ETFRF1: variants seen among roughly 807,000 people sequenced by gnomAD.
ETFRF1 encodes electron transfer flavoprotein regulatory factor 1.
A neutral mutation model predicts 9.0 loss-of-function variants in ETFRF1; 12 were observed. The ratio of observed to expected loss-of-function variants is 1.34; its 90% CI spans 0.86 to 2.16. The LOEUF (loss-of-function observed/expected upper bound fraction) is 2.16. Ranked by LOEUF, ETFRF1 falls within the 30% of genes most tolerant of loss-of-function variation. The probability of loss-of-function intolerance (pLI) is 0.00; values close to 1 mark genes in which losing one functional copy is unlikely to be tolerated. For synonymous variants in ETFRF1, 34 were observed against 33.2 expected, an observed-to-expected ratio of 1.02 and a Z score of -0.08; for missense variants, 98 against 101.8, an observed-to-expected ratio of 0.96 and a Z score of 0.16.
chr12:25,201,769 T>C (rs1222952777), intron 1 of ETFRF1, among the ~76,000 whole-genome samples: 1 of 152,130 alleles, frequency 6.6e-6, no homozygotes, highest in East Asian at 1.9e-4. Flanking sequence ...ATCTACACTA[T>C]TGTACTTCGG....
At position 25,204,119 on chromosome 12, in the gene ETFRF1, A is replaced by C. The variant is rs1951103079; in HGVS notation, c.80A>C (p.Lys27Thr). ...NLLYLGRDYPKGADYFKKRLK... is the reference protein window; with the variant it reads ...NLLYLGRDYPTGADYFKKRLK... ...CTGTATCTTGGACGAGACTATCCAA[A>C]AGGAGCAGACTATTTTAAAAAGCGT... The change falls in exon 3 of 3, where the codon AAA becomes ACA. Residue 27 changes from lysine to threonine, a missense_variant. Transcript: ENST00000381356. 6.3e-7 allele frequency: 1 copy of C among 1,598,600 alleles called. No individual in the cohort carries two copies. The highest frequency in any genetic ancestry group is 1.3e-5 in the African/African-American group (1 of 74,814).
At chr12:25,198,871 G>A (rs1346420935) in intron 1 of ETFRF1, among the ~76,000 whole-genome samples, 1 of 152,108 alleles carries the variant, frequency 6.6e-6, no homozygotes, top group African/African-American at 2.4e-5. Flanking sequence ...TGATTCAAGT[G>A]TATATTCCAG....
chr12:25,203,892 A>T, intron 1 of ETFRF1, 28 bp from the exon 2 acceptor site: 1 of 1,291,066 alleles, frequency 7.7e-7, no homozygotes, highest in Non-Finnish European at 1.0e-6. Context: ...CAATGCAGCT[A>T]ATTGCAAAAA....
intron 1 of ETFRF1, 92 bp downstream of exon 1, chr12:25,195,429 G>A (rs993736697): frequency 8.1e-6 from 4 of 492,914 alleles, no homozygotes; most frequent in South Asian, 4.3e-5. Flanking sequence ...ACCACCGGGT[G>A]TGGGAAGAGG....
chr12:25,204,299 A>G lies in ETFRF1; in HGVS notation c.260A>G (p.Asn87Ser), dbSNP rs1420104426. ...AMKQRYYSDTNKTN is the reference protein window; with the variant it reads ...AMKQRYYSDTSKTN ...AAACAACGCTATTATTCAGATACCA[A>G]CAAAACTAATTGATCATTACTACTT... The change falls in exon 3 of 3, where the codon AAC becomes AGC. Residue 87 changes from asparagine (N) to serine (S), a missense_variant. Transcript: ENST00000381356. The G allele has an allele frequency of 3.8e-6, 6 of 1,574,066 alleles. No homozygotes were observed. The highest frequency in any genetic ancestry group is 5.1e-6 in the Non-Finnish European group (6 of 1,166,126).
chr12:25,204,571 AAT>A lies in ETFRF1; in HGVS notation c.*261_*262del, dbSNP rs1951111302. 1 of 295,598 alleles carries A rather than the reference AAT, an allele frequency of 3.4e-6. No homozygotes were observed. The highest frequency in any genetic ancestry group is 6.2e-6 in the Non-Finnish European group (1 of 161,840). The allele number at this position is 295,598 out of a possible 1,614,324, so 18.3% of individuals were successfully genotyped here. A position where few individuals can be genotyped will look rare whatever the true frequency, so the allele number is the denominator to read the frequency against. ...AGCACCCAATTTTGAATGAAAATAT[AAT>A]ACACTTAATCCTCTAACTTAATAGG... On this transcript the variant is annotated 3_prime_UTR_variant, in exon 3 of 3. Transcript: ENST00000381356.
In ETFRF1 at chr12:25,204,012, GTAAT is replaced by G. The variant is rs749494980; in HGVS notation, c.51+8_51+11del. 4 of 1,514,754 alleles carry G rather than the reference GTAAT, an allele frequency of 2.6e-6. No homozygotes were observed. The highest frequency in any genetic ancestry group is 1.3e-5 in the South Asian group (1 of 76,914). 93.8% of individuals were successfully genotyped at this position (1,514,754 alleles called of 1,614,324 possible). On this transcript the variant is annotated splice_donor_region_variant and intron_variant, in intron 2 of 2. Transcript: ENST00000381356. ...GTACTAAAACTTTATAAAAATGTAA[GTAAT>G]TATGTTGCCAATTTTATAAAAATGT... is the stretch of plus-strand genomic sequence containing the variant.
In ETFRF1 at chr12:25,204,919, A is replaced by AT. The variant is rs1456980740; in HGVS notation, c.*608dup. 4 of 201,716 alleles carry AT rather than the reference A, an allele frequency of 2.0e-5. No homozygotes were observed. The highest frequency in any genetic ancestry group is 4.1e-5 in the Non-Finnish European group (4 of 97,586). The allele number at this position is 201,716 out of a possible 1,614,324, so 12.5% of individuals were successfully genotyped here. A position where few individuals can be genotyped will look rare whatever the true frequency, so the allele number is the denominator to read the frequency against. ...AACTATTCAATTATTTCCATTATTA[A>AT]TGTTGCTGCTGCTACCTTTGGGCCT... is the stretch of plus-strand genomic sequence containing the variant. On this transcript the variant is annotated 3_prime_UTR_variant, in exon 3 of 3. Coordinates refer to ENST00000381356, the MANE Select transcript of ETFRF1 (RefSeq NM_001001660.3).
intron 1 of ETFRF1, among the ~76,000 whole-genome samples, chr12:25,200,228 T>A: frequency 6.8e-6 from 1 of 147,160 alleles, no homozygotes; most frequent in African/African-American, 2.5e-5. Flanking sequence ...AAAAGACAAA[T>A]GGAAAATAGT....
intron 1 of ETFRF1, among the ~76,000 whole-genome samples, chr12:25,198,211 T>C (rs1951046058): frequency 6.6e-6 from 1 of 152,196 alleles, no homozygotes; most frequent in African/African-American, 2.4e-5. Flanking sequence ...TCCTCAGGCA[T>C]TCTAGAGAAG....
chr12:25,201,142 G>C (rs940589630), intron 1 of ETFRF1, among the ~76,000 whole-genome samples: 8 of 152,148 alleles, frequency 5.3e-5, no homozygotes, highest in African/African-American at 1.7e-4. Flanking sequence ...CTGATGTTGG[G>C]CGTTGGTGAG....
In ETFRF1 at chr12:25,202,718, G is replaced by A. The variant is rs146044016; in HGVS notation, c.-37-1202G>A. Among the ~76,000 whole-genome samples the A allele has an allele frequency of 5.3e-3, 812 of 152,094 alleles. 9 individuals carry two copies. The highest frequency in any genetic ancestry group is 0.017 in the African/African-American group (687 of 41,456). On this transcript the variant is annotated intron_variant, in intron 1 of 2. Transcript: ENST00000381356. ...ATTACATAGTGAGAGAAGGGGTGAT[G>A]ATTATAAAAAGTAAATTTATTAAGG...
intron 1 of ETFRF1, 109 bp downstream of exon 1, chr12:25,195,446 A>G (rs1049330827): frequency 2.3e-4 from 104 of 461,350 alleles, no homozygotes; most frequent in Non-Finnish European, 6.0e-5. Context: ...GAGGGTTCTG[A>G]GCGTCTCCTG....
In ETFRF1 at chr12:25,204,209, C is replaced by T. The variant is rs1372382419; in HGVS notation, c.170C>T (p.Ala57Val). ...KNPEKIKELI[A>V]QGEFVMKELE... ...CCAGAGAAGATCAAAGAACTTATTG[C>T]ACAGGGCGAATTTGTAATGAAAGAG... The change falls in exon 3 of 3, where the codon GCA becomes GTA. Residue 57 changes from alanine (A) to valine (V), a missense_variant. By Grantham distance (64) the Ala-to-Val change is moderately conservative (BLOSUM62 0). Coordinates refer to ENST00000381356, the MANE Select transcript of ETFRF1 (RefSeq NM_001001660.3). 1 of 1,612,882 alleles carries T rather than the reference C, an allele frequency of 6.2e-7. No homozygotes were observed. Among genetic ancestry groups the T allele is most frequent in the Admixed American group, 1.7e-5 (1 of 59,876 alleles).
rs1951110575 is a variant in ETFRF1 at position 25,204,531 on chromosome 12, G to A, written c.*219G>A. 5.5e-6 allele frequency: 2 copies of A among 361,268 alleles called. No homozygotes were observed. Among genetic ancestry groups the A allele is most frequent in the African/African-American group, 2.1e-5 (1 of 47,794 alleles). 22.4% of individuals were successfully genotyped at this position (361,268 alleles called of 1,614,324 possible). On this transcript the variant is annotated 3_prime_UTR_variant, in exon 3 of 3. Coordinates refer to ENST00000381356, the MANE Select transcript of ETFRF1 (RefSeq NM_001001660.3). ...AACATAGCAATTTAGCTATACTACC[G>A]ATCATAAATTAATGAGCACCCAATT...
intron 1 of ETFRF1, 58 bp from the exon 2 acceptor site, chr12:25,203,862 T>C (rs1286538854): frequency 4.0e-6 from 4 of 990,760 alleles, no homozygotes; most frequent in Non-Finnish European, 5.6e-6. Context: ...GTATAACCTT[T>C]TTTTATTTTT....
intron 1 of ETFRF1, among the ~76,000 whole-genome samples, chr12:25,202,419 G>A (rs1374887945): frequency 6.6e-6 from 1 of 152,044 alleles, no homozygotes; most frequent in African/African-American, 2.4e-5. Flanking sequence ...AGGGACTTGT[G>A]CACAGCAGCA....
In ETFRF1 at chr12:25,204,115, C is replaced by A. The variant is rs377575380; in HGVS notation, c.76C>A (p.Pro26Thr). 325 of 1,595,092 alleles carry A rather than the reference C, an allele frequency of 2.0e-4. No individual in the cohort carries two copies. Among genetic ancestry groups the A allele is most frequent in the Non-Finnish European group, 2.6e-4 (306 of 1,169,350 alleles). The change falls in exon 3 of 3, where the codon CCA becomes ACA. Residue 26 changes from proline to threonine, a missense_variant. By Grantham distance (38) the Pro-to-Thr change is conservative. Coordinates refer to ENST00000381356, the MANE Select transcript of ETFRF1 (RefSeq NM_001001660.3). Reference sequence around the variant, plus strand: ...GCTGCTGTATCTTGGACGAGACTATCCAAAAGGAGCAGACTATTTTAAAAA... The same window carrying A: ...GCTGCTGTATCTTGGACGAGACTATACAAAAGGAGCAGACTATTTTAAAAA... ...KNLLYLGRDYPKGADYFKKRL... is the reference protein window; with the variant it reads ...KNLLYLGRDYTKGADYFKKRL...
intron 1 of ETFRF1, among the ~76,000 whole-genome samples, chr12:25,199,282 CTAT>C (rs1302958702): frequency 3.1e-4 from 46 of 148,418 alleles, no homozygotes; most frequent in African/African-American, 1.1e-3. Flanking sequence ...TATATATCTA[CTAT>C]ATACTACGTA....
Sources: allele counts gnomAD v4.1 joint callset (sites outside exome capture counted in the v4.1 genomes callset), GRCh38; gene constraint gnomAD v4.1.1; transcripts MANE v1.5; gene names NCBI Gene and HGNC (gene_info 2026-07-23, HGNC 2026-07-21).